The following NELL2 variants were observed in gnomAD, a reference collection of about 807,000 sequenced individuals.
NELL2 encodes neural EGFL like 2.
A neutral mutation model predicts 109.6 loss-of-function variants in NELL2; 41 were observed. That is an observed-to-expected ratio of 0.37 (90% CI 0.29 to 0.49). The LOEUF (loss-of-function observed/expected upper bound fraction) is 0.49, where lower values mean the gene tolerates loss of function less well. NELL2 is among the 20% of genes least tolerant of loss of function. The pLI, the probability that NELL2 is intolerant of heterozygous loss-of-function variation, is 0.98. For missense variants in NELL2, 900 were observed against 1,008.3 expected, an observed-to-expected ratio of 0.89 and a Z score of 1.45; for synonymous variants, 355 against 344.7, an observed-to-expected ratio of 1.03 and a Z score of -0.33.
chr12:44,819,339 T>C (rs73279107), intron 2 of NELL2, among the ~76,000 whole-genome samples: 3,470 of 152,324 alleles, frequency 0.023, 73 homozygotes, highest in East Asian at 0.049. Context: ...TTGGTAATTA[T>C]TAACTTATAC....
intron 19 of NELL2, among the ~76,000 whole-genome samples, chr12:44,517,500 A>T (rs867520343): frequency 6.6e-6 from 1 of 151,664 alleles, no homozygotes; most frequent in African/African-American, 2.4e-5. Context: ...CAGAACTGTA[A>T]GCCAATTAAA....
chr12:44,767,393 A>T (rs1013113595), intron 9 of NELL2, among the ~76,000 whole-genome samples: 6 of 152,164 alleles, frequency 3.9e-5, no homozygotes, highest in African/African-American at 1.4e-4. Flanking sequence ...GGCTTCCCTC[A>T]GCACTTCCAC....
intron 12 of NELL2, among the ~76,000 whole-genome samples, chr12:44,699,452 C>G (rs1421248230): frequency 6.6e-6 from 1 of 152,050 alleles, no homozygotes; most frequent in Non-Finnish European, 1.5e-5. Flanking sequence ...ATCTGCCTGG[C>G]TGAGATACTG....
chr12:44,644,518 G>A (rs983786568), intron 13 of NELL2, among the ~76,000 whole-genome samples: 2 of 147,988 alleles, frequency 1.4e-5, no homozygotes, highest in Non-Finnish European at 3.0e-5. Context: ...AGAGCTATTT[G>A]ACTGTCAATC....
intron 17 of NELL2, 186 bp downstream of exon 17, chr12:44,523,105 G>T (rs1941612087): frequency 7.8e-6 from 5 of 637,416 alleles, no homozygotes; most frequent in Non-Finnish European, 1.3e-5. Context: ...TGGATCTAAG[G>T]TTGTGGGACT....
rs201052684 is a variant in NELL2, at chr12:44,607,152, T to C, written c.1663+17A>G. 2.4e-4 allele frequency: 383 copies of C among 1,595,488 alleles called. 1 individual carries two copies. The African/African-American group carries it at 3.6e-3, about 15-fold the overall frequency. ...GCATAAAAATTCATTTTCTAGAAGATGAAATGATATTCTTACCCGTTTCAC... is the reference window on the plus strand; with the variant it reads ...GCATAAAAATTCATTTTCTAGAAGACGAAATGATATTCTTACCCGTTTCAC... On this transcript the variant is annotated intron_variant, in intron 15 of 19. Coordinates refer to ENST00000429094, the MANE Select transcript of NELL2 (RefSeq NM_001145108.2).
chr12:44,647,130 T>A (rs1401058045), intron 13 of NELL2, among the ~76,000 whole-genome samples: 6 of 152,028 alleles, frequency 3.9e-5, no homozygotes, highest in African/African-American at 1.5e-4. Flanking sequence ...ACCAAGAGCA[T>A]AGAGGGAAAT....
intron 3 of NELL2, among the ~76,000 whole-genome samples, chr12:44,801,719 G>C (rs1942834636): frequency 6.6e-6 from 1 of 152,064 alleles, no homozygotes; most frequent in African/African-American, 2.4e-5. Flanking sequence ...CCTGACACAG[G>C]GTAGGCGCTG....
At position 44,547,157 on chromosome 12, in the gene NELL2, T is replaced by C. The variant is rs560829620; in HGVS notation, c.1664-14436A>G. On this transcript the variant is annotated intron_variant, in intron 15 of 19. Transcript: ENST00000429094. ...CATCCTGCTACTTCTTAGAGGCAGG[T>C]TCCAACACTATAAAAAGGCTTGGTA... Among the ~76,000 whole-genome samples the C allele has an allele frequency of 5.9e-5, 9 of 152,316 alleles. No individual in the cohort carries two copies. The South Asian group carries it at 1.7e-3, about 28-fold the overall frequency.
At chr12:44,621,554 A>T (rs1224699989) in intron 13 of NELL2, among the ~76,000 whole-genome samples, 2 of 152,128 alleles carry the variant, frequency 1.3e-5, no homozygotes, top group East Asian at 1.9e-4. Context: ...CAAAAATATG[A>T]CCATTCAAAC....
chr12:44,650,518 C>A (rs1308578792), intron 13 of NELL2, among the ~76,000 whole-genome samples: 1 of 151,988 alleles, frequency 6.6e-6, no homozygotes, highest in Non-Finnish European at 1.5e-5. Flanking sequence ...TGGTCTTGAA[C>A]CCCTGACCTC....
chr12:44,655,042 G>A (rs370173445), intron 13 of NELL2, among the ~76,000 whole-genome samples: 1 of 152,120 alleles, frequency 6.6e-6, no homozygotes, highest in African/African-American at 2.4e-5. Context: ...ATTACACTCC[G>A]GGCATGTATA....
intron 19 of NELL2, among the ~76,000 whole-genome samples, chr12:44,514,862 G>A (rs1941187717): frequency 2.0e-5 from 3 of 150,864 alleles, no homozygotes; most frequent in Admixed American, 2.0e-4. Context: ...AAAGCTATGG[G>A]GATAAAATCA....
chr12:44,703,217 T>G lies in NELL2; in HGVS notation c.1318+509A>C, dbSNP rs190549121. ...AGAATAAACTATCTTGGATATTAGT[T>G]AAGATTTTTAAAAATTAACTAGAAA... On this transcript the variant is annotated intron_variant, in intron 12 of 19. Transcript: ENST00000429094. 7.9e-5 allele frequency among the ~76,000 whole-genome samples: 12 copies of G among 152,302 alleles called. No individual in the cohort carries two copies. In the East Asian group the frequency reaches 2.3e-3, roughly 29 times the overall value.
In NELL2 at chr12:44,743,127, A is replaced by G. The variant is rs538362517; in HGVS notation, c.995-28386T>C. Reference sequence around the variant, plus strand: ...CTCGGCAGAAACTCTACAAGCCAGAAGAGCATGGGGACCAATATTCAACAT... The same window carrying G: ...CTCGGCAGAAACTCTACAAGCCAGAGGAGCATGGGGACCAATATTCAACAT... On this transcript the variant is annotated intron_variant, in intron 9 of 19. Coordinates refer to ENST00000429094, the MANE Select transcript of NELL2 (RefSeq NM_001145108.2). Among the ~76,000 whole-genome samples the G allele has an allele frequency of 4.6e-5, 7 of 152,370 alleles. No individual in the cohort carries two copies. The South Asian group carries it at 1.4e-3, about 32-fold the overall frequency.
chr12:44,882,432 C>T (rs902930518), intron 1 of NELL2, among the ~76,000 whole-genome samples: 1 of 148,752 alleles, frequency 6.7e-6, no homozygotes, highest in Non-Finnish European at 1.5e-5. Context: ...AGTATACATA[C>T]ATACGTGTAT....
chr12:44,515,258 A>T (rs2138966599), intron 19 of NELL2, among the ~76,000 whole-genome samples: 1 of 151,972 alleles, frequency 6.6e-6, no homozygotes, highest in Admixed American at 6.6e-5. Context: ...TAAATATAAA[A>T]CCGTTGACAG....
intron 3 of NELL2, among the ~76,000 whole-genome samples, chr12:44,784,945 G>T (rs1451029483): frequency 6.6e-6 from 1 of 152,120 alleles, no homozygotes; most frequent in African/African-American, 2.4e-5. Context: ...GGCAAAAGCT[G>T]GAAGCATTCC....
chr12:44,748,725 C>T (rs573370439), intron 9 of NELL2, among the ~76,000 whole-genome samples: 1 of 152,174 alleles, frequency 6.6e-6, no homozygotes, highest in African/African-American at 2.4e-5. Flanking sequence ...ATTCTTCAAA[C>T]CTGAACAGTG....
Sources: gnomAD v4.1 joint callset for allele counts (sites outside exome capture counted in the v4.1 genomes callset) on GRCh38, gnomAD v4.1.1 for gene constraint, MANE v1.5 for transcripts, NCBI Gene and HGNC (gene_info 2026-07-23, HGNC 2026-07-21) for gene names.